Variants in NBEA observed in about 807,000 individuals in gnomAD.
The protein encoded by NBEA is neurobeachin.
NBEA carries 44 observed loss-of-function variants against 343.4 expected under a neutral mutation model. The ratio of observed to expected loss-of-function variants is 0.13; its 90% CI spans 0.10 to 0.16. NBEA has a LOEUF of 0.16. Among genes scored for constraint, NBEA ranks in the 10% least tolerant of loss-of-function variants. The probability of loss-of-function intolerance (pLI) is 1.00; values close to 1 mark genes in which losing one functional copy is unlikely to be tolerated. For synonymous variants in NBEA, 1,175 were observed against 1,238.7 expected (o/e 0.95, Z 1.08); for missense variants, 2,555 against 3,631.3 (o/e 0.70, Z 7.62).
chr13:35,662,148 T>C (rs1392166504), intron 55 of NBEA, among the ~76,000 whole-genome samples: 1 of 152,248 alleles, frequency 6.6e-6, no homozygotes, highest in East Asian at 1.9e-4. Flanking sequence ...ATTTTGAGAA[T>C]ATTGAAATGA....
intron 33 of NBEA, among the ~76,000 whole-genome samples, chr13:35,230,140 A>T (rs2074888836): frequency 6.6e-6 from 1 of 152,084 alleles, no homozygotes; most frequent in Admixed American, 6.6e-5. Context: ...CTTAATAGGG[A>T]TTCACTTTCT....
chr13:35,665,220 G>A (rs753382441), intron 56 of NBEA, 34 bp downstream of exon 56: 2 of 1,490,790 alleles, frequency 1.3e-6, no homozygotes, highest in African/African-American at 1.4e-5. Context: ...TCAATGTCTA[G>A]AAGATGACTG....
At chr13:35,495,274 A>G (rs2076637812) in intron 41 of NBEA, among the ~76,000 whole-genome samples, 1 of 152,032 alleles carries the variant, frequency 6.6e-6, no homozygotes, top group Non-Finnish European at 1.5e-5. Flanking sequence ...CACTACATAC[A>G]AAGAGAAACA....
At chr13:35,609,567 GT>G (rs1403787506) in intron 48 of NBEA, among the ~76,000 whole-genome samples, 1 of 152,176 alleles carries the variant, frequency 6.6e-6, no homozygotes, top group East Asian at 1.9e-4. Context: ...AAATTGTGTT[GT>G]GAAAAGCATA....
chr13:35,195,780 AT>A, intron 30 of NBEA, 83 bp from the exon 31 acceptor site: 1 of 1,259,732 alleles, frequency 7.9e-7, no homozygotes, highest in Non-Finnish European at 1.1e-6. Flanking sequence ...TGTTTTCTTT[AT>A]TTGAATATAT....
chr13:35,144,520 GA>G, intron 18 of NBEA, among the ~76,000 whole-genome samples: 1 of 152,068 alleles, frequency 6.6e-6, no homozygotes, highest in Admixed American at 6.6e-5. Context: ...CCTAGTTTCT[GA>G]AGCTATTTCA....
At chr13:35,350,906 G>T (rs2040165170) in intron 37 of NBEA, among the ~76,000 whole-genome samples, 1 of 151,872 alleles carries the variant, frequency 6.6e-6, no homozygotes, top group Non-Finnish European at 1.5e-5. Context: ...TTTGATTTTA[G>T]ATGGGTACTT....
chr13:35,481,440 A>G (rs1471410761), intron 41 of NBEA, among the ~76,000 whole-genome samples: 1 of 151,684 alleles, frequency 6.6e-6, no homozygotes, highest in Non-Finnish European at 1.5e-5. Context: ...GGATGTTTTC[A>G]GTTGTATCTG....
chr13:35,611,045 G>GAAA (rs35066386), intron 48 of NBEA, among the ~76,000 whole-genome samples: 1 of 141,970 alleles, frequency 7.0e-6, no homozygotes, highest in Non-Finnish European at 1.5e-5. Context: ...TTAAAAGGGG[G>GAAA]AAAAAAAAAA....
At chr13:35,421,477 A>C (rs1305168307) in intron 38 of NBEA, among the ~76,000 whole-genome samples, 1 of 152,050 alleles carries the variant, frequency 6.6e-6, no homozygotes, top group Non-Finnish European at 1.5e-5. Context: ...CCCATTTATA[A>C]TATAGTTATC....
chr13:35,595,996 T>G (rs1248801581), intron 47 of NBEA, among the ~76,000 whole-genome samples: 1 of 152,110 alleles, frequency 6.6e-6, no homozygotes, highest in Non-Finnish European at 1.5e-5. Flanking sequence ...TCTTACTGAT[T>G]TGAAAAAGAT....
At chr13:35,135,909 C>T (rs1341919690) in intron 17 of NBEA, among the ~76,000 whole-genome samples, 1 of 151,276 alleles carries the variant, frequency 6.6e-6, no homozygotes, top group Non-Finnish European at 1.5e-5. Flanking sequence ...CCACACCCAG[C>T]CCCCTCCCCC....
chr13:35,531,396 A>G (rs749502426), intron 41 of NBEA, among the ~76,000 whole-genome samples: 1 of 152,210 alleles, frequency 6.6e-6, no homozygotes, highest in Non-Finnish European at 1.5e-5. Flanking sequence ...ATATCTGACC[A>G]TATTTGTCTA....
At chr13:35,042,685 AAT>A (rs2062698228) in intron 2 of NBEA, among the ~76,000 whole-genome samples, 2 of 151,818 alleles carry the variant, frequency 1.3e-5, no homozygotes, top group South Asian at 4.1e-4. Flanking sequence ...TAATAATATT[AAT>A]AACAAAATTT....
At chr13:35,041,972 A>G (rs897829361) in intron 2 of NBEA, among the ~76,000 whole-genome samples, 1 of 151,956 alleles carries the variant, frequency 6.6e-6, no homozygotes, top group Admixed American at 6.6e-5. Flanking sequence ...TCATAATTAT[A>G]AAAGTGCTGA....
intron 34 of NBEA, among the ~76,000 whole-genome samples, chr13:35,236,622 T>A (rs564844398): frequency 5.4e-4 from 82 of 151,656 alleles, no homozygotes; most frequent in South Asian, 2.3e-3. Context: ...ATATATTTTT[T>A]TTTTTTTGTA....
chr13:35,235,065 AGC>A (rs2075160186), intron 34 of NBEA, among the ~76,000 whole-genome samples: 1 of 152,164 alleles, frequency 6.6e-6, no homozygotes, highest in Admixed American at 6.5e-5. Flanking sequence ...TATTATATCA[AGC>A]CATGTATAAA....
chr13:35,476,719 A>G, intron 41 of NBEA: 1 of 1,067,496 alleles, frequency 9.4e-7, no homozygotes, highest in Non-Finnish European at 1.2e-6. Flanking sequence ...TGTGGAAATT[A>G]TAAAGGCAGG....
intron 32 of NBEA, among the ~76,000 whole-genome samples, chr13:35,210,338 G>A (rs1042197995): frequency 6.6e-6 from 1 of 151,774 alleles, no homozygotes; most frequent in Non-Finnish European, 1.5e-5. Flanking sequence ...TAAAGACTGG[G>A]CATACTGTTC....
Sources: allele counts gnomAD v4.1 joint callset (sites outside exome capture counted in the v4.1 genomes callset), GRCh38; gene constraint gnomAD v4.1.1; transcripts MANE v1.5; gene names NCBI Gene and HGNC (gene_info 2026-07-23, HGNC 2026-07-21).